Variants in BDP1 observed in about 807,000 individuals in gnomAD.
BDP1 encodes the protein transcription factor TFIIIB component B'' homolog.
In BDP1, 169 loss-of-function variants were observed where a neutral mutation model predicts 266.6. The observed-to-expected ratio is 0.63, with a 90% CI of 0.56 to 0.72. The LOEUF (loss-of-function observed/expected upper bound fraction) is 0.72. BDP1 is among the 30% of genes least tolerant of loss of function. The probability of loss-of-function intolerance (pLI) is 0.00; values close to 1 mark genes in which losing one functional copy is unlikely to be tolerated. For synonymous variants in BDP1, 1,090 were observed against 1,022.4 expected (o/e 1.07, Z -1.26); for missense variants, 3,015 against 3,053.8 (o/e 0.99, Z 0.30).
chr5:71,512,888 T>A (rs1765006916), intron 18 of BDP1, among the ~76,000 whole-genome samples: 1 of 151,492 alleles, frequency 6.6e-6, no homozygotes, highest in East Asian at 1.9e-4. Context: ...AGAAACCCCA[T>A]CTCTATAAAA....
At chr5:71,519,520 C>A (rs1333130748) in intron 22 of BDP1, among the ~76,000 whole-genome samples, 2 of 152,158 alleles carry the variant, frequency 1.3e-5, no homozygotes, top group Non-Finnish European at 2.9e-5. Flanking sequence ...TCCATGAGAT[C>A]CACTTTTTAA....
chr5:71,574,752 T>C, the BDP1 span, among the ~76,000 whole-genome samples: 1 of 152,212 alleles, frequency 6.6e-6, no homozygotes, highest in Non-Finnish European at 1.5e-5. Context: ...TGCTCAATTA[T>C]TGCTTATTCC....
intron 16 of BDP1, 65 bp downstream of exon 16, chr5:71,504,816 T>A (rs2150452412): frequency 6.6e-7 from 1 of 1,521,598 alleles, no homozygotes; most frequent in African/African-American, 1.4e-5. Flanking sequence ...CTCAATCAGT[T>A]TTTTAAAGCA....
At chr5:71,575,304 G>A in the BDP1 span, among the ~76,000 whole-genome samples, 2 of 152,324 alleles carry the variant, frequency 1.3e-5, no homozygotes, top group South Asian at 4.1e-4. Flanking sequence ...ATTTCTGATG[G>A]AGGTCATTGA....
chr5:71,548,325 A>G (rs1170547131), intron 32 of BDP1, among the ~76,000 whole-genome samples: 1 of 152,214 alleles, frequency 6.6e-6, no homozygotes, highest in Non-Finnish European at 1.5e-5. Flanking sequence ...GGAGGGAACC[A>G]TACTGCATGC....
intron 26 of BDP1, among the ~76,000 whole-genome samples, chr5:71,534,264 G>T (rs555020940): frequency 2.0e-5 from 3 of 152,104 alleles, no homozygotes; most frequent in Non-Finnish European, 2.9e-5. Flanking sequence ...TTTTATACAT[G>T]GATAACCTCA....
rs544073607 is a variant in BDP1 at position 71,462,000 on chromosome 5, T to A, written c.599+74T>A. On this transcript the variant is annotated intron_variant, in intron 3 of 38. Coordinates refer to ENST00000358731, the MANE Select transcript of BDP1 (RefSeq NM_018429.3). The stretch of plus-strand genomic sequence containing the variant: ...TTTTTGGAGGTGGAGTCTCGCTCTG[T>A]CACCCGGGCTGGAGTGCAGTGGTGC... 3 of 844,936 alleles carry A rather than the reference T, an allele frequency of 3.6e-6. No homozygotes were observed. In the East Asian group the frequency reaches 7.8e-5, roughly 22 times the overall value. 52.3% of individuals were successfully genotyped at this position (844,936 alleles called of 1,614,324 possible).
chr5:71,564,687 C>T, intron 38 of BDP1, 67 bp from the exon 39 acceptor site: 2 of 1,316,320 alleles, frequency 1.5e-6, no homozygotes, highest in Non-Finnish European at 2.1e-6. Context: ...GCTATATATA[C>T]ACACACATAT....
intron 8 of BDP1, among the ~76,000 whole-genome samples, chr5:71,485,011 C>G (rs910260920): frequency 4.6e-5 from 7 of 152,138 alleles, no homozygotes; most frequent in Non-Finnish European, 8.8e-5. Context: ...TGCTCCTCAG[C>G]CCATTCCATA....
At chr5:71,497,924 G>A (rs1045013201) in intron 13 of BDP1, among the ~76,000 whole-genome samples, 28 of 152,190 alleles carry the variant, frequency 1.8e-4, no homozygotes, top group African/African-American at 6.5e-4. Flanking sequence ...CAGTAGCTGG[G>A]ACTACAGGTG....
downstream of BDP1, among the ~76,000 whole-genome samples, chr5:71,571,395 G>A (rs186136327): frequency 1.3e-3 from 197 of 152,230 alleles, no homozygotes; most frequent in African/African-American, 4.6e-3. Context: ...CCAACCACCC[G>A]CCTCGGCCTC....
At position 71,522,479 on chromosome 5, in the gene BDP1, C is replaced by G. The variant is rs1229406446; in HGVS notation, c.5182C>G (p.Leu1728Val). The G allele has an allele frequency of 1.3e-6, 2 of 1,586,896 alleles. No individual in the cohort carries two copies. The highest frequency in any genetic ancestry group is 8.5e-7 in the Non-Finnish European group (1 of 1,172,924). Reference sequence around the variant, plus strand: ...GCAGAAAGGAGCTTCCAACACCCAGCTCCTTCTAAAAGTAAGTTTGGGCAA... The same window carrying G: ...GCAGAAAGGAGCTTCCAACACCCAGGTCCTTCTAAAAGTAAGTTTGGGCAA... ...LLQKGASNTQ[L>V]LLKEKAELLT... Residue 1728 changes from leucine (L) to valine (V), a missense_variant, in exon 23 of 39, where the codon CTC becomes GTC. Coordinates refer to ENST00000358731, the MANE Select transcript of BDP1 (RefSeq NM_018429.3).
chr5:71,474,222 C>T (rs1469986191), intron 7 of BDP1, among the ~76,000 whole-genome samples: 1 of 152,036 alleles, frequency 6.6e-6, no homozygotes, highest in African/African-American at 2.4e-5. Context: ...CCTCGTGATC[C>T]TCCTGCCTCA....
At position 71,539,583 on chromosome 5, in the gene BDP1, G is replaced by A; in HGVS notation, c.5956G>A (p.Ala1986Thr). Residue 1986 changes from alanine (A) to threonine (T), a missense_variant, in exon 28 of 39, where the codon GCA becomes ACA. Transcript: ENST00000358731. ...PGTNDGSTEA[A>T]ITLLTMGDLV... The stretch of plus-strand genomic sequence containing the variant: ...TACCAATGATGGAAGCACCGAAGCT[G>A]CAATAACTTTACTTACAATGGGAGA... 6.2e-7 allele frequency: 1 copy of A among 1,610,872 alleles called. No individual in the cohort carries two copies. Among genetic ancestry groups the A allele is most frequent in the Non-Finnish European group, 8.5e-7 (1 of 1,178,778 alleles).
intron 25 of BDP1, among the ~76,000 whole-genome samples, chr5:71,530,652 A>G (rs1388538599): frequency 6.6e-6 from 1 of 152,116 alleles, no homozygotes; most frequent in Non-Finnish European, 1.5e-5. Context: ...CCGAGTAGCT[A>G]GAACTACAGG....
chr5:71,490,385 G>T (rs548293757), intron 10 of BDP1, among the ~76,000 whole-genome samples: 1 of 152,102 alleles, frequency 6.6e-6, no homozygotes, highest in East Asian at 1.9e-4. Flanking sequence ...TGGCTTATTG[G>T]AGTCATTACG....
At chr5:71,469,176 T>TC (rs1252328756) in intron 6 of BDP1, among the ~76,000 whole-genome samples, 2 of 152,122 alleles carry the variant, frequency 1.3e-5, no homozygotes, top group African/African-American at 4.8e-5. Flanking sequence ...TCTCACTCTG[T>TC]CACCCAGGCT....
Position 71,461,830 on chromosome 5 carries a change from A to AG in BDP1, c.503_504insG (p.Asn168LysfsTer7). 1 of 1,595,972 alleles carries AG rather than the reference A, an allele frequency of 6.3e-7. No individual in the cohort carries two copies. The highest frequency in any genetic ancestry group is 8.6e-7 in the Non-Finnish European group (1 of 1,169,054). ...TTATGTATACAGAAACAATGGAAAA[A>AG]CAAATATGCTATAAATGAAAGTCAG... On this transcript the variant is annotated frameshift_variant, in exon 3 of 39. Coordinates refer to ENST00000358731, the MANE Select transcript of BDP1 (RefSeq NM_018429.3). LOFTEE classifies it high-confidence loss of function.
At chr5:71,465,007 A>T (rs1220203028) in intron 4 of BDP1, among the ~76,000 whole-genome samples, 1 of 151,920 alleles carries the variant, frequency 6.6e-6, no homozygotes, top group Non-Finnish European at 1.5e-5. Context: ...GTAAGCCACC[A>T]TGCCCAGCCT....
Sources: gnomAD v4.1 joint callset for allele counts (sites outside exome capture counted in the v4.1 genomes callset) on GRCh38, gnomAD v4.1.1 for gene constraint, MANE v1.5 for transcripts, NCBI Gene and HGNC (gene_info 2026-07-23, HGNC 2026-07-21) for gene names.